The following MAOB variants were observed in gnomAD, a reference collection of about 807,000 sequenced individuals.
The protein encoded by MAOB is monoamine oxidase B, also known as amine oxidase [flavin-containing] B.
A neutral mutation model predicts 41.9 loss-of-function variants in MAOB; 15 were observed. The ratio of observed to expected loss-of-function variants is 0.36; its 90% CI spans 0.24 to 0.55. MAOB has a LOEUF of 0.55. Among genes scored for constraint, MAOB ranks in the 20% least tolerant of loss-of-function variants. The pLI is 0.86. For missense variants in MAOB, 345 were observed against 398.7 expected (o/e 0.87, Z 1.15); for synonymous variants, 167 against 144.2 (o/e 1.16, Z -1.13).
At chrX:43,803,227 T>C in intron 4 of MAOB, 73 bp downstream of exon 4, 5 of 927,256 alleles carry the variant, frequency 5.4e-6, no homozygotes, top group Non-Finnish European at 7.3e-6. Context: ...GTTGGAGATA[T>C]ATTTTACTTT....
intron 3 of MAOB, among the ~76,000 whole-genome samples, chrX:43,832,859 G>C (rs1301584108): frequency 4.5e-5 from 5 of 111,420 alleles, no homozygotes; most frequent in Non-Finnish European, 9.4e-5. Context: ...CTTTTATAAA[G>C]AATAATCAGG....
At chrX:43,879,747 C>T (rs1323381505) in intron 1 of MAOB, among the ~76,000 whole-genome samples, 1 of 111,905 alleles carries the variant, frequency 8.9e-6, no homozygotes, top group African/African-American at 3.2e-5. Flanking sequence ...AGAGCTAAAC[C>T]TTTCTGATAT....
intron 3 of MAOB, among the ~76,000 whole-genome samples, chrX:43,815,880 A>G (rs1215596210): frequency 8.9e-6 from 1 of 112,336 alleles, no homozygotes; most frequent in Non-Finnish European, 1.9e-5. Flanking sequence ...TGTTCTCCAA[A>G]CACATACACG....
intron 7 of MAOB, among the ~76,000 whole-genome samples, chrX:43,795,445 G>C (rs2034515674): frequency 9.0e-6 from 1 of 111,326 alleles, no homozygotes; most frequent in South Asian, 3.9e-4. Context: ...TTTTATGGAG[G>C]CTTCCTTATG....
chrX:43,863,893 G>T (rs986435531), intron 1 of MAOB, among the ~76,000 whole-genome samples: 3 of 111,895 alleles, frequency 2.7e-5, no homozygotes, highest in African/African-American at 9.7e-5. Context: ...CTAATGATCA[G>T]ATTGGGAGAT....
intron 7 of MAOB, among the ~76,000 whole-genome samples, 168 bp downstream of exon 7, chrX:43,795,571 T>C (rs1200152295): frequency 9.0e-6 from 1 of 111,646 alleles, no homozygotes; most frequent in African/African-American, 3.3e-5. Flanking sequence ...CTCTAGTCTT[T>C]CCATGGTCTT....
chrX:43,797,390 A>G (rs1470875169), intron 5 of MAOB, 124 bp from the exon 6 acceptor site: 2 of 466,744 alleles, frequency 4.3e-6, no homozygotes, highest in African/African-American at 4.9e-5. Context: ...AGGTCAAAAA[A>G]TTGTCACTAG....
At chrX:43,806,868 G>A (rs781604061) in intron 3 of MAOB, among the ~76,000 whole-genome samples, 4 of 111,104 alleles carry the variant, frequency 3.6e-5, no homozygotes, top group Non-Finnish European at 7.5e-5. Context: ...CTACTTCTGA[G>A]CACTCCTTCA....
intron 1 of MAOB, among the ~76,000 whole-genome samples, chrX:43,877,609 C>T (rs1351672875): frequency 9.0e-6 from 1 of 111,570 alleles, no homozygotes; most frequent in African/African-American, 3.3e-5. Flanking sequence ...GTTATTAATG[C>T]ATTTATCTTC....
intron 3 of MAOB, among the ~76,000 whole-genome samples, chrX:43,817,061 C>T (rs2034823131): frequency 9.1e-6 from 1 of 110,183 alleles, no homozygotes; most frequent in African/African-American, 3.3e-5. Context: ...CCTCCTCCTC[C>T]TCCTTTTCTC....
At chrX:43,800,657 G>C (rs890386689) in intron 5 of MAOB, among the ~76,000 whole-genome samples, 1 of 111,229 alleles carries the variant, frequency 9.0e-6, no homozygotes, top group African/African-American at 3.3e-5. Flanking sequence ...TGTTCAACAG[G>C]ATGATAATGG....
At chrX:43,871,141 G>C (rs2035404254) in intron 1 of MAOB, among the ~76,000 whole-genome samples, 1 of 111,531 alleles carries the variant, frequency 9.0e-6, no homozygotes, top group Admixed American at 9.5e-5. Flanking sequence ...TGGCCTTTCA[G>C]AGTTATCCTG....
At chrX:43,786,186 A>T (rs1261877626) in intron 8 of MAOB, among the ~76,000 whole-genome samples, 1 of 112,304 alleles carries the variant, frequency 8.9e-6, no homozygotes, top group African/African-American at 3.2e-5. Flanking sequence ...CTGAAATGTT[A>T]TAACAATATA....
At chrX:43,826,442 C>G (rs2034948811) in intron 3 of MAOB, among the ~76,000 whole-genome samples, 2 of 112,574 alleles carry the variant, frequency 1.8e-5, no homozygotes, top group African/African-American at 6.5e-5. Context: ...TAAAGCCTAC[C>G]AACTGCCACA....
chrX:43,850,738 A>G (rs964956124), intron 1 of MAOB, among the ~76,000 whole-genome samples: 1 of 112,140 alleles, frequency 8.9e-6, no homozygotes, highest in African/African-American at 3.2e-5. Flanking sequence ...ACAAATGGCA[A>G]TAGCTTGTAA....
chrX:43,788,367 G>A (rs2034425358), intron 8 of MAOB, among the ~76,000 whole-genome samples: 3 of 111,652 alleles, frequency 2.7e-5, no homozygotes, highest in African/African-American at 6.5e-5. Context: ...CATGAGATTT[G>A]GAGAAGACAG....
intron 8 of MAOB, among the ~76,000 whole-genome samples, chrX:43,793,142 A>C (rs12014398): frequency 0.029 from 3,199 of 111,603 alleles, 142 homozygotes; most frequent in African/African-American, 0.098. Flanking sequence ...GTACATATGG[A>C]TATAAAGATG....
chrX:43,773,891 A>G (rs2034219387), intron 12 of MAOB, among the ~76,000 whole-genome samples: 1 of 111,919 alleles, frequency 8.9e-6, no homozygotes, highest in South Asian at 3.7e-4. Flanking sequence ...GGTCTCAGGT[A>G]TGTCTTTATC....
chrX:43,796,068 T>C (rs2034523981), intron 6 of MAOB, among the ~76,000 whole-genome samples, 180 bp from the exon 7 acceptor site: 1 of 112,121 alleles, frequency 8.9e-6, no homozygotes, highest in Non-Finnish European at 1.9e-5. Context: ...AGTTACAGGA[T>C]TTCTAAGTTA....
Sources: allele counts gnomAD v4.1 joint callset (sites outside exome capture counted in the v4.1 genomes callset), GRCh38; gene constraint gnomAD v4.1.1; transcripts MANE v1.5; gene names NCBI Gene and HGNC (gene_info 2026-07-23, HGNC 2026-07-21).